The following PLCL1 variants were observed in gnomAD, a reference collection of about 807,000 sequenced individuals.
The protein encoded by PLCL1 is phospholipase C like 1 (inactive).
In PLCL1, 41 loss-of-function variants were observed where a neutral mutation model predicts 84.4. That is an observed-to-expected ratio of 0.49 (90% CI 0.38 to 0.63). The LOEUF (loss-of-function observed/expected upper bound fraction) is 0.63, where lower values mean the gene tolerates loss of function less well. Among genes scored for constraint, PLCL1 ranks in the 30% least tolerant of loss-of-function variants. PLCL1 has a pLI of 0.00. For synonymous variants in PLCL1, 490 were observed against 488.3 expected (o/e 1.00, Z -0.05); for missense variants, 1,206 against 1,367.8 (o/e 0.88, Z 1.87).
chr2:197,870,047 G>A (rs998741494), intron 1 of PLCL1, among the ~76,000 whole-genome samples: 6 of 151,988 alleles, frequency 3.9e-5, no homozygotes, highest in African/African-American at 1.4e-4. Context: ...GTATCTGGGC[G>A]GCCACGAAGC....
At chr2:197,930,790 A>G (rs2105764932) in intron 1 of PLCL1, among the ~76,000 whole-genome samples, 1 of 152,294 alleles carries the variant, frequency 6.6e-6, no homozygotes, top group East Asian at 1.9e-4. Flanking sequence ...TTGCAATTTT[A>G]TTAATAACAT....
intron 5 of PLCL1, among the ~76,000 whole-genome samples, chr2:198,129,681 CAA>C (rs1181848614): frequency 6.6e-6 from 1 of 152,102 alleles, no homozygotes; most frequent in Non-Finnish European, 1.5e-5. Context: ...TTTTCATCAA[CAA>C]TATGTATACA....
chr2:197,865,833 T>C (rs1351692136), intron 1 of PLCL1, among the ~76,000 whole-genome samples: 2 of 150,686 alleles, frequency 1.3e-5, no homozygotes, highest in Non-Finnish European at 3.0e-5. Flanking sequence ...GACAACATGG[T>C]GAAACCCTGT....
At chr2:198,031,552 G>A (rs1241156440) in intron 1 of PLCL1, among the ~76,000 whole-genome samples, 1 of 151,652 alleles carries the variant, frequency 6.6e-6, no homozygotes, top group Non-Finnish European at 1.5e-5. Flanking sequence ...ATGCAGTGGT[G>A]TGATCAGAGC....
intron 1 of PLCL1, among the ~76,000 whole-genome samples, chr2:197,923,056 C>G (rs866328971): frequency 8.0e-6 from 1 of 125,382 alleles, no homozygotes; most frequent in Non-Finnish European, 1.7e-5. Flanking sequence ...ACCTCCCAGA[C>G]GGGGCGGCTG....
At chr2:197,890,813 G>A (rs1688010374) in intron 1 of PLCL1, among the ~76,000 whole-genome samples, 1 of 30,488 alleles carries the variant, frequency 3.3e-5, no homozygotes. Context: ...TGCTATATAT[G>A]TGTATATATA....
intron 1 of PLCL1, among the ~76,000 whole-genome samples, chr2:197,833,052 A>T (rs1691104120): frequency 6.6e-6 from 1 of 152,222 alleles, no homozygotes; most frequent in Non-Finnish European, 1.5e-5. Context: ...AGGATACAAA[A>T]ATTAGCTAGG....
chr2:198,147,201 A>AGTGTGTGTGT lies in PLCL1; in HGVS notation c.*240_*241insTGTGTGTGTG. ...ACACCCCTGTGTGGATGCCTGTGGAAGAGTGTGTGTGTGTGTGTGTGTGTG... is the reference window on the plus strand; with the variant it reads ...ACACCCCTGTGTGGATGCCTGTGGAAGTGTGTGTGTGAGTGTGTGTGTGTGTGTGTGTGTG... On this transcript the variant is annotated 3_prime_UTR_variant, in exon 6 of 6. Coordinates refer to ENST00000428675, the MANE Select transcript of PLCL1 (RefSeq NM_006226.4). 1.2e-5 allele frequency: 2 copies of AGTGTGTGTGT among 167,122 alleles called. No individual in the cohort carries two copies. The highest frequency in any genetic ancestry group is 1.5e-4 in the East Asian group (1 of 6,452). The allele number at this position is 167,122 out of a possible 1,614,324, so 10.4% of individuals were successfully genotyped here. A position where few individuals can be genotyped will look rare whatever the true frequency, so the allele number is the denominator to read the frequency against.
intron 1 of PLCL1, among the ~76,000 whole-genome samples, chr2:198,079,035 A>G (rs948007619): frequency 2.0e-5 from 3 of 152,068 alleles, no homozygotes; most frequent in Admixed American, 1.3e-4. Context: ...AAATAATTTG[A>G]TATTTTCATG....
At chr2:198,065,042 A>T (rs181920481) in intron 1 of PLCL1, among the ~76,000 whole-genome samples, 7 of 152,206 alleles carry the variant, frequency 4.6e-5, no homozygotes, top group African/African-American at 1.7e-4. Flanking sequence ...ACACAAACCT[A>T]CATTCTGTAG....
At chr2:198,089,323 C>A (rs1301504472) in intron 3 of PLCL1, among the ~76,000 whole-genome samples, 2 of 152,176 alleles carry the variant, frequency 1.3e-5, no homozygotes, top group Admixed American at 6.6e-5. Context: ...AAAAAACCCT[C>A]AAAAATATGT....
At chr2:198,062,070 C>T (rs527953694) in intron 1 of PLCL1, among the ~76,000 whole-genome samples, 27 of 152,266 alleles carry the variant, frequency 1.8e-4, no homozygotes, top group African/African-American at 6.3e-4. Flanking sequence ...TGCTACAATT[C>T]ATTAGTCAGA....
Position 198,133,354 on chromosome 2 carries a change from T to C in PLCL1, c.3106-13426T>C, listed in dbSNP as rs1168558543. Among the ~76,000 whole-genome samples, 9 of 122,822 alleles carry C rather than the reference T, an allele frequency of 7.3e-5. No individual in the cohort carries two copies. The South Asian group carries it at 7.8e-4, about 11-fold the overall frequency. 80.6% of individuals were successfully genotyped at this position (122,822 alleles called of 152,430 possible). A position where few individuals can be genotyped will look rare whatever the true frequency, so the allele number is the denominator to read the frequency against. On this transcript the variant is annotated intron_variant, in intron 5 of 5. Transcript: ENST00000428675. Reference sequence around the variant, plus strand: ...GATCACATGGACACATGAAGGGGAATACCACACTCTGGGGACTGTGGTGGG... The same window carrying C: ...GATCACATGGACACATGAAGGGGAACACCACACTCTGGGGACTGTGGTGGG...
intron 1 of PLCL1, among the ~76,000 whole-genome samples, chr2:198,049,189 T>A (rs1162116396): frequency 2.0e-5 from 3 of 152,208 alleles, no homozygotes; most frequent in Non-Finnish European, 4.4e-5. Context: ...TCACTGAGAT[T>A]GTTTTGCTCT....
chr2:197,954,006 T>C (rs1348396541), intron 1 of PLCL1, among the ~76,000 whole-genome samples: 1 of 152,114 alleles, frequency 6.6e-6, no homozygotes. Context: ...AATTTTGCCC[T>C]GTGTGTACAT....
At chr2:197,967,935 G>T (rs1228571076) in intron 1 of PLCL1, among the ~76,000 whole-genome samples, 1 of 152,124 alleles carries the variant, frequency 6.6e-6, no homozygotes, top group Non-Finnish European at 1.5e-5. Context: ...CCTTGTTCTT[G>T]TAAGGCCTAC....
chr2:197,839,162 T>G (rs1419596678), intron 1 of PLCL1, among the ~76,000 whole-genome samples: 1 of 152,200 alleles, frequency 6.6e-6, no homozygotes, highest in Admixed American at 6.5e-5. Flanking sequence ...AAGAAAAACA[T>G]TTCACTAACA....
intron 1 of PLCL1, among the ~76,000 whole-genome samples, chr2:197,921,999 C>CTTTTTT (rs34033380): frequency 8.2e-6 from 1 of 121,668 alleles, no homozygotes; most frequent in East Asian, 2.3e-4. Flanking sequence ...TTGATAAATT[C>CTTTTTT]TTTTTTTTTT....
At chr2:197,868,486 T>C (rs1687587923) in intron 1 of PLCL1, among the ~76,000 whole-genome samples, 1 of 152,128 alleles carries the variant, frequency 6.6e-6, no homozygotes, top group Non-Finnish European at 1.5e-5. Context: ...GCAAAATCAG[T>C]TTGTTTTTAA....
Sources: allele counts gnomAD v4.1 joint callset (sites outside exome capture counted in the v4.1 genomes callset), GRCh38; gene constraint gnomAD v4.1.1; transcripts MANE v1.5; gene names NCBI Gene and HGNC (gene_info 2026-07-23, HGNC 2026-07-21).